Variants in RANBP2 observed in about 807,000 individuals in gnomAD.
The protein encoded by RANBP2 is E3 SUMO-protein ligase RanBP2.
Under a neutral mutation model 303.6 loss-of-function variants are expected in RANBP2, and 57 were observed. That is an observed-to-expected ratio of 0.19 (90% CI 0.15 to 0.23). RANBP2 has a LOEUF of 0.23. RANBP2 is among the 10% of genes least tolerant of loss of function. The probability of loss-of-function intolerance (pLI) is 1.00; values close to 1 mark genes in which losing one functional copy is unlikely to be tolerated. For synonymous variants in RANBP2, 1,167 were observed against 1,301.5 expected, an observed-to-expected ratio of 0.90 and a Z score of 2.23; for missense variants, 3,138 against 3,780.8, an observed-to-expected ratio of 0.83 and a Z score of 4.46.
the RANBP2 span, among the ~76,000 whole-genome samples, chr2:109,408,628 C>A: frequency 6.6e-6 from 1 of 152,250 alleles, no homozygotes; most frequent in South Asian, 2.1e-4. Context: ...CCTCTCTGTA[C>A]AGGCAATGCC....
At chr2:109,153,149 A>G in the RANBP2 span, among the ~76,000 whole-genome samples, 3 of 152,196 alleles carry the variant, frequency 2.0e-5, no homozygotes, top group Admixed American at 6.5e-5. Context: ...AAATATTTCA[A>G]TGGAACAGAA....
At chr2:108,812,919 A>T in the RANBP2 span, 1 of 1,613,382 alleles carries the variant, frequency 6.2e-7, no homozygotes, top group Non-Finnish European at 8.5e-7. Flanking sequence ...AGTTTCAAAA[A>T]CTTACAAGGT....
the RANBP2 span, chr2:108,876,075 A>T: frequency 5.0e-4 from 767 of 1,526,826 alleles, 5 homozygotes; most frequent in African/African-American, 9.8e-3. Flanking sequence ...TAATGTATTC[A>T]TTTTTTTTAC....
At chr2:109,175,825 A>G in the RANBP2 span, among the ~76,000 whole-genome samples, 1 of 152,226 alleles carries the variant, frequency 6.6e-6, no homozygotes, top group East Asian at 1.9e-4. Context: ...GTAAGCTGCC[A>G]TGCCAGTAAT....
At chr2:109,415,288 C>T in the RANBP2 span, among the ~76,000 whole-genome samples, 1 of 152,252 alleles carries the variant, frequency 6.6e-6, no homozygotes, top group Admixed American at 6.5e-5. Flanking sequence ...GAGGAACTAA[C>T]ACCACGGTGT....
At chr2:109,292,794 A>C in the RANBP2 span, among the ~76,000 whole-genome samples, 1 of 152,100 alleles carries the variant, frequency 6.6e-6, no homozygotes, top group South Asian at 2.1e-4. Flanking sequence ...GTGCAGTGGC[A>C]TGATCTTGGC....
rs781456355 is a variant in RANBP2 at position 108,775,913 on chromosome 2, T to C, written c.8474T>C (p.Ile2825Thr). The change falls in exon 24 of 29, where the codon ATT (isoleucine) becomes ACT (threonine). Residue 2825 changes from isoleucine to threonine, a missense_variant. By Grantham distance (89) the Ile-to-Thr change is moderately conservative (BLOSUM62 -1). Around this residue, in one of 20 missense-constraint regions of RANBP2, gnomAD observed 497 missense variants for 465.8 expected, o/e 1.07. Transcript: ENST00000283195. ...KPVDLSTRKEIDTDSTSQGES... is the reference protein window; with the variant it reads ...KPVDLSTRKETDTDSTSQGES... Reference sequence around the variant, plus strand: ...GTAGATTTGTCAACTAGAAAGGAAATTGATACAGATTCTACAAGCCAAGGT... The same window carrying C: ...GTAGATTTGTCAACTAGAAAGGAAACTGATACAGATTCTACAAGCCAAGGT... 7.4e-6 allele frequency: 12 copies of C among 1,611,172 alleles called. No individual in the cohort carries two copies. Among genetic ancestry groups the C allele is most frequent in the Middle Eastern group, 1.7e-4 (1 of 6,058 alleles).
chr2:109,293,660 A>G, the RANBP2 span, among the ~76,000 whole-genome samples: 1 of 152,214 alleles, frequency 6.6e-6, no homozygotes, highest in African/African-American at 2.4e-5. Flanking sequence ...GGCCCTCTCA[A>G]AGTGGGGATG....
the RANBP2 span, among the ~76,000 whole-genome samples, chr2:109,275,897 G>A: frequency 1.3e-5 from 2 of 152,154 alleles, no homozygotes; most frequent in African/African-American, 4.8e-5. Context: ...TTTATGGAGA[G>A]GAAAATTCAT....
chr2:109,419,774 C>CT, the RANBP2 span: 29 of 764,384 alleles, frequency 3.8e-5, no homozygotes, highest in East Asian at 7.9e-4. Flanking sequence ...TTATGTGCGT[C>CT]TAATAACACC....
the RANBP2 span, among the ~76,000 whole-genome samples, chr2:109,101,925 T>A: frequency 6.6e-6 from 1 of 152,156 alleles, no homozygotes; most frequent in Admixed American, 6.5e-5. Context: ...GCAACCTGGA[T>A]GCCCAGCCAT....
the RANBP2 span, among the ~76,000 whole-genome samples, chr2:109,522,657 C>T: frequency 9.7e-3 from 1,469 of 151,686 alleles, 34 homozygotes; most frequent in African/African-American, 0.034. Flanking sequence ...CCTCCCGCCT[C>T]GGCCTCCCAA....
the RANBP2 span, among the ~76,000 whole-genome samples, chr2:109,012,869 A>G: frequency 1.3e-5 from 2 of 152,096 alleles, no homozygotes; most frequent in Admixed American, 6.5e-5. Context: ...AGCAGAGACC[A>G]GGCCACTGCA....
chr2:109,471,956 A>G, the RANBP2 span, among the ~76,000 whole-genome samples: 1 of 152,120 alleles, frequency 6.6e-6, no homozygotes, highest in African/African-American at 2.4e-5. Context: ...GAAGCAGGCC[A>G]TTTTCCTCCA....
the RANBP2 span, among the ~76,000 whole-genome samples, chr2:109,672,890 A>G: frequency 2.6e-5 from 4 of 152,206 alleles, no homozygotes; most frequent in Non-Finnish European, 5.9e-5. Flanking sequence ...CATTGCCTCA[A>G]TGTTTTAAAG....
chr2:109,279,853 T>C, the RANBP2 span, among the ~76,000 whole-genome samples: 1 of 151,602 alleles, frequency 6.6e-6, no homozygotes, highest in Non-Finnish European at 1.5e-5. Flanking sequence ...GCCTGCCCTG[T>C]AGCGAGGCTT....
chr2:109,101,769 G>A, the RANBP2 span, among the ~76,000 whole-genome samples: 32 of 152,208 alleles, frequency 2.1e-4, no homozygotes, highest in Non-Finnish European at 4.3e-4. Flanking sequence ...GACTGCCGGA[G>A]AGAGCCGAGC....
At chr2:109,262,983 C>T in the RANBP2 span, among the ~76,000 whole-genome samples, 1 of 151,948 alleles carries the variant, frequency 6.6e-6, no homozygotes, top group South Asian at 2.1e-4. Flanking sequence ...CAGGTGCCCG[C>T]CACCACACCT....
chr2:109,129,140 A>G, the RANBP2 span: 106 of 374,032 alleles, frequency 2.8e-4, 1 homozygote, highest in African/African-American at 2.3e-3. Flanking sequence ...CTCCCCGGGG[A>G]CCTGGCCGGC....
Sources: gnomAD v4.1 joint callset for allele counts (sites outside exome capture counted in the v4.1 genomes callset) on GRCh38, gnomAD v4.1.1 for gene constraint, gnomAD v4.1.1 regional missense constraint, MANE v1.5 for transcripts, NCBI Gene and HGNC (gene_info 2026-07-23, HGNC 2026-07-21) for gene names.